Variants in ELAC2 observed in about 807,000 individuals in gnomAD.
ELAC2 encodes elaC ribonuclease Z 2, also known as zinc phosphodiesterase ELAC protein 2.
Under a neutral mutation model 105.2 loss-of-function variants are expected in ELAC2, and 92 were observed. The observed-to-expected ratio is 0.87, with a 90% CI of 0.74 to 1.04. The LOEUF (loss-of-function observed/expected upper bound fraction) is 1.04, where lower values mean the gene tolerates loss of function less well. ELAC2 is among the 50% of genes least tolerant of loss of function. The pLI is 0.00. For synonymous variants in ELAC2, 468 were observed against 409.1 expected, an observed-to-expected ratio of 1.14 and a Z score of -1.74; for missense variants, 1,099 against 1,071.7, an observed-to-expected ratio of 1.03 and a Z score of -0.36.
intron 17 of ELAC2, 126 bp downstream of exon 17, chr17:12,996,421 G>A: frequency 1.4e-6 from 2 of 1,436,024 alleles, no homozygotes; most frequent in East Asian, 2.3e-5. Flanking sequence ...CCATTTCCTA[G>A]CCAGAGATGA....
chr17:13,012,593 T>G (rs1174432398), intron 6 of ELAC2, among the ~76,000 whole-genome samples: 2 of 152,192 alleles, frequency 1.3e-5, no homozygotes, highest in Non-Finnish European at 2.9e-5. Context: ...CTTTGCTGGG[T>G]GCTCTGGTCT....
In ELAC2 at chr17:12,992,930, A is replaced by G; in HGVS notation, c.2369T>C (p.Val790Ala). ...ERREKRELRQ[V>A]RAALLSRELA... ...CTCCCTGGACAGGAGGGCCGCCCGC[A>G]CCTGCCGCAGCTCCCGCTTCTCCCT... The change falls in exon 24 of 24, where the codon GTG becomes GCG. Residue 790 changes from valine to alanine, a missense_variant. Transcript: ENST00000338034. The G allele has an allele frequency of 6.2e-7, 1 of 1,609,270 alleles. No individual in the cohort carries two copies. Among genetic ancestry groups the G allele is most frequent in the Non-Finnish European group, 8.5e-7 (1 of 1,179,876 alleles).
chr17:12,998,539 T>C (rs2040591206), intron 15 of ELAC2, 31 bp from the exon 16 acceptor site: 3 of 1,595,014 alleles, frequency 1.9e-6, no homozygotes, highest in Non-Finnish European at 2.6e-6. Flanking sequence ...AACAATCCAT[T>C]CCTTTGGGTC....
At chr17:12,995,233 A>T (rs1357738926) in intron 19 of ELAC2, among the ~76,000 whole-genome samples, 171 bp from the exon 20 acceptor site, 2 of 152,202 alleles carry the variant, frequency 1.3e-5, no homozygotes, top group Non-Finnish European at 2.9e-5. Flanking sequence ...GCCAAACCAA[A>T]GCCTCTAGGC....
Position 13,002,296 on chromosome 17 carries a change from G to C in ELAC2, c.1282C>G (p.Arg428Gly). 3.7e-6 allele frequency: 6 copies of C among 1,614,176 alleles called. No individual in the cohort carries two copies. Among genetic ancestry groups the C allele is most frequent in the Non-Finnish European group, 5.1e-6 (6 of 1,180,044 alleles). The stretch of plus-strand genomic sequence containing the variant: ...GACCTCTGCCACTCCCTCCTGGGAC[G>C]GAGCTGGTACTTGAGGAGGCATTCA... ...QGECLLKYQL[R>G]PRREWQRDAI... The change falls in exon 14 of 24, where the codon CGT becomes GGT. Residue 428 changes from arginine (R) to glycine (G), a missense_variant. By Grantham distance (125) the Arg-to-Gly change is moderately radical (BLOSUM62 -2). Transcript: ENST00000338034.
At chr17:13,011,623 C>G in intron 7 of ELAC2, 40 bp downstream of exon 7, 1 of 1,614,080 alleles carries the variant, frequency 6.2e-7, no homozygotes, top group Non-Finnish European at 8.5e-7. Context: ...ATTAAGAAAA[C>G]GCAAGCCTTT....
At chr17:12,994,334 C>T (rs1465676680) in intron 22 of ELAC2, 91 bp downstream of exon 22, 6 of 1,429,028 alleles carry the variant, frequency 4.2e-6, no homozygotes, top group Non-Finnish European at 5.9e-6. Context: ...AGGGCAGCCC[C>T]ACATCAGTGG....
rs567708086 is a variant in ELAC2, at chr17:13,017,982, G to C, written c.-35C>G. 7.0e-5 allele frequency: 107 copies of C among 1,534,268 alleles called. 2 individuals are homozygous for C. The East Asian group carries it at 2.5e-3, about 36-fold the overall frequency. On this transcript the variant is annotated 5_prime_UTR_variant, in exon 1 of 24. Transcript: ENST00000338034. ...TCCACCAAAACTGAGAAAGCCGCCGGTCACCTACGCCCGCGTTTCCCGTGC... is the reference window on the plus strand; with the variant it reads ...TCCACCAAAACTGAGAAAGCCGCCGCTCACCTACGCCCGCGTTTCCCGTGC...
At chr17:12,993,910 CA>C in intron 22 of ELAC2, 79 bp from the exon 23 acceptor site, 1 of 1,601,880 alleles carries the variant, frequency 6.2e-7, no homozygotes, top group Non-Finnish European at 8.5e-7. Flanking sequence ...AGACCCTGGC[CA>C]TCAACTGCCA....
chr17:12,999,279 G>C (rs2040634264), intron 15 of ELAC2, among the ~76,000 whole-genome samples: 1 of 152,162 alleles, frequency 6.6e-6, no homozygotes, highest in Non-Finnish European at 1.5e-5. Flanking sequence ...CTTGCATCCA[G>C]CTCTCACTGC....
At chr17:13,010,568 A>G in intron 8 of ELAC2, 45 bp downstream of exon 8, 1 of 1,584,320 alleles carries the variant, frequency 6.3e-7, no homozygotes, top group Non-Finnish European at 8.7e-7. Context: ...GAGGTCGCTG[A>G]CCAAGACCCC....
intron 7 of ELAC2, 85 bp downstream of exon 7, chr17:13,011,578 A>C: frequency 6.2e-7 from 1 of 1,608,206 alleles, no homozygotes; most frequent in South Asian, 1.1e-5. Flanking sequence ...GCTTTCTTAC[A>C]ATAATGACTC....
chr17:13,005,231 C>T, intron 10 of ELAC2, 130 bp from the exon 11 acceptor site: 1 of 744,294 alleles, frequency 1.3e-6, no homozygotes, highest in Non-Finnish European at 2.4e-6. Flanking sequence ...ACAAAACCAA[C>T]TTTACACATC....
intron 10 of ELAC2, 133 bp downstream of exon 10, chr17:13,005,620 A>T: frequency 1.1e-6 from 1 of 885,824 alleles, no homozygotes; most frequent in Non-Finnish European, 1.9e-6. Flanking sequence ...CCATTTTATC[A>T]CTTAGCTGAG....
In ELAC2 at chr17:12,995,948, G is replaced by A. The variant is rs1200695722; in HGVS notation, c.1690C>T (p.Arg564Cys). Residue 564 changes from arginine to cysteine, a missense_variant, in exon 18 of 24, where the codon CGC becomes TGC. Coordinates refer to ENST00000338034, the MANE Select transcript of ELAC2 (RefSeq NM_018127.7). ...TCAAGTGCCACACTTACCAAGGCGC[G>A]TTCTCTCTGCAGCAAGATACTTGGC... ...GLPSILLQRE[R>C]ALASLGKPLH... 20 of 1,596,250 alleles carry A rather than the reference G, an allele frequency of 1.3e-5. No homozygotes were observed. Among genetic ancestry groups the A allele is most frequent in the East Asian group, 6.8e-5 (3 of 44,340 alleles).
intron 17 of ELAC2, chr17:12,996,209 C>T (rs1057376549): frequency 7.8e-6 from 5 of 644,548 alleles, no homozygotes; most frequent in African/African-American, 1.8e-5. Context: ...GCCCAGGGCC[C>T]GGCACCCCAG....
intron 23 of ELAC2, 122 bp from the exon 24 acceptor site, chr17:12,993,167 C>A: frequency 9.9e-7 from 1 of 1,011,024 alleles, no homozygotes; most frequent in Non-Finnish European, 1.5e-6. Context: ...TGGCACAAGC[C>A]AACAGGCCAC....
Position 12,995,927 on chromosome 17 carries a change from GT to G in ELAC2, c.1698+12del. 5 of 1,592,834 alleles carry G rather than the reference GT, an allele frequency of 3.1e-6. No individual in the cohort carries two copies. Among genetic ancestry groups the G allele is most frequent in the Non-Finnish European group, 4.3e-6 (5 of 1,168,088 alleles). On this transcript the variant is annotated intron_variant, in intron 18 of 23. Coordinates refer to ENST00000338034, the MANE Select transcript of ELAC2 (RefSeq NM_018127.7). ...CGCTGAAACTCAGAACGCCCATCAAGTGCCACACTTACCAAGGCGCGTTCTC... is the reference window on the plus strand; with the variant it reads ...CGCTGAAACTCAGAACGCCCATCAAGGCCACACTTACCAAGGCGCGTTCTC...
Position 12,993,021 on chromosome 17 carries a change from T to G in ELAC2, c.2278A>C (p.Met760Leu). 1 of 1,604,390 alleles carries G rather than the reference T, an allele frequency of 6.2e-7. No homozygotes were observed. Among genetic ancestry groups the G allele is most frequent in the African/African-American group, 1.3e-5 (1 of 75,006 alleles). ...TTCAGTGGGGGAATCAGCTTGGGCA[T>G]TGTTGGAAAGTCTCCAAAGCAGACC... ...MKVCFGDFPT[M>L]PKLIPPLKAL... is the part of the protein sequence containing the mutation. Residue 760 changes from methionine (M) to leucine (L), a missense_variant, in exon 24 of 24, where the codon ATG (methionine) becomes CTG (leucine). Physicochemically the swap from Met to Leu is conservative, Grantham distance 15. Coordinates refer to ENST00000338034, the MANE Select transcript of ELAC2 (RefSeq NM_018127.7).
Sources: gnomAD v4.1 joint callset for allele counts (sites outside exome capture counted in the v4.1 genomes callset) on GRCh38, gnomAD v4.1.1 for gene constraint, MANE v1.5 for transcripts, NCBI Gene and HGNC (gene_info 2026-07-23, HGNC 2026-07-21) for gene names.